Variants in ORC5 observed in about 807,000 individuals in gnomAD.
ORC5 encodes the protein protein phosphatase 1, regulatory subunit 117.
A neutral mutation model predicts 58.8 loss-of-function variants in ORC5; 39 were observed. The ratio of observed to expected loss-of-function variants is 0.66; its 90% CI spans 0.51 to 0.87. The LOEUF (loss-of-function observed/expected upper bound fraction) is 0.87. Ranked by LOEUF, ORC5 falls within the 40% of genes least tolerant of loss-of-function variation. The pLI is 0.00. For synonymous variants in ORC5, 218 were observed against 177.6 expected (o/e 1.23, Z -1.81); for missense variants, 493 against 506.3 (o/e 0.97, Z 0.25).
chr7:104,207,373 T>C (rs935699664), intron 1 of ORC5, among the ~76,000 whole-genome samples: 3 of 152,182 alleles, frequency 2.0e-5, no homozygotes, highest in Non-Finnish European at 4.4e-5. Flanking sequence ...AGCCAGTAAA[T>C]TTTTAAACCT....
intron 12 of ORC5, among the ~76,000 whole-genome samples, chr7:104,145,321 C>T (rs1798738090): frequency 6.6e-6 from 1 of 151,954 alleles, no homozygotes; most frequent in South Asian, 2.1e-4. Context: ...TGTTAGGTCC[C>T]CAAATGCAGG....
rs1232843739 is a variant in ORC5 at position 104,129,098 on chromosome 7, G to C, written c.1263-2205C>G. Among the ~76,000 whole-genome samples, 1 of 152,102 alleles carries C rather than the reference G, an allele frequency of 6.6e-6. No individual in the cohort carries two copies. The highest frequency in any genetic ancestry group is 1.5e-5 in the Non-Finnish European group (1 of 68,012). Reference sequence around the variant, plus strand: ...GAGAAGAAATAATTGCAAGTAAGTTGTGACGGCTGCAGAGAAATGTTTGTC... The same window carrying C: ...GAGAAGAAATAATTGCAAGTAAGTTCTGACGGCTGCAGAGAAATGTTTGTC... On this transcript the variant is annotated intron_variant, in intron 13 of 13. Coordinates refer to ENST00000297431, the MANE Select transcript of ORC5 (RefSeq NM_002553.4). The surrounding 1 kb of genome is among the most constrained non-coding windows in gnomAD (Gnocchi z 4.9).
At chr7:104,132,227 C>T (rs540209046) in intron 13 of ORC5, among the ~76,000 whole-genome samples, 32 of 152,258 alleles carry the variant, frequency 2.1e-4, no homozygotes, top group African/African-American at 7.2e-4. Flanking sequence ...ACCATTACTC[C>T]TGTCCCTTAC....
chr7:104,173,905 C>T (rs543087312), intron 8 of ORC5, among the ~76,000 whole-genome samples: 5 of 134,990 alleles, frequency 3.7e-5, no homozygotes, highest in Non-Finnish European at 6.2e-5. Context: ...AGTGCAGTGG[C>T]GGGATCTCGG....
chr7:104,141,414 G>C (rs954028247), intron 12 of ORC5, among the ~76,000 whole-genome samples: 4 of 148,372 alleles, frequency 2.7e-5, no homozygotes, highest in Admixed American at 2.1e-4. Context: ...TCAGAAGAGA[G>C]AGAACATAGT....
chr7:104,180,620 C>T (rs1027802008), intron 8 of ORC5, among the ~76,000 whole-genome samples: 28 of 152,054 alleles, frequency 1.8e-4, no homozygotes, highest in African/African-American at 6.3e-4. Flanking sequence ...TCTAGCTAGG[C>T]CCCTGGAAAG....
intron 8 of ORC5, among the ~76,000 whole-genome samples, chr7:104,172,003 C>T (rs1325991294): frequency 1.3e-5 from 2 of 152,206 alleles, no homozygotes; most frequent in South Asian, 2.1e-4. Flanking sequence ...TTCACCACTA[C>T]TAGTCAACGT....
intron 1 of ORC5, among the ~76,000 whole-genome samples, chr7:104,204,925 C>T (rs1800037469): frequency 6.6e-6 from 1 of 152,128 alleles, no homozygotes; most frequent in Admixed American, 6.5e-5. Flanking sequence ...ACTTGTACTT[C>T]ATTCCTTAAA....
At chr7:104,140,969 G>T (rs929349365) in intron 12 of ORC5, among the ~76,000 whole-genome samples, 1 of 152,118 alleles carries the variant, frequency 6.6e-6, no homozygotes, top group African/African-American at 2.4e-5. Flanking sequence ...TTAAAACTAA[G>T]ATGTTTAGTA....
intron 11 of ORC5, among the ~76,000 whole-genome samples, chr7:104,161,508 C>G (rs1407549274): frequency 6.6e-6 from 1 of 152,112 alleles, no homozygotes; most frequent in Non-Finnish European, 1.5e-5. Context: ...GTAGCTAGGA[C>G]TCTAGGCACA....
chr7:104,184,377 G>T (rs1276089109), intron 6 of ORC5: 4 of 554,434 alleles, frequency 7.2e-6, no homozygotes, highest in Admixed American at 3.4e-5. Flanking sequence ...GAGCCCAGGA[G>T]ATCAAGCCTG....
Position 104,155,935 on chromosome 7 carries a change from GA to G in ORC5, c.1149+5136del, listed in dbSNP as rs1018742114. On this transcript the variant is annotated intron_variant, in intron 12 of 13. Transcript: ENST00000297431. ...ATAACTTGGCTTTAATATATTTCTGGAAAAAAAGACAATACTATTTCTTTAA... is the reference window on the plus strand; with the variant it reads ...ATAACTTGGCTTTAATATATTTCTGGAAAAAAGACAATACTATTTCTTTAA... Among the ~76,000 whole-genome samples the G allele has an allele frequency of 6.6e-5, 10 of 151,272 alleles. 1 individual carries two copies. Among genetic ancestry groups the G allele is most frequent in the Admixed American group, 6.6e-4 (10 of 15,188 alleles).
chr7:104,191,359 A>G (rs1452230464), intron 5 of ORC5, among the ~76,000 whole-genome samples: 2 of 152,122 alleles, frequency 1.3e-5, no homozygotes, highest in African/African-American at 2.4e-5. Flanking sequence ...AAATGATCAC[A>G]GAGATTAACA....
intron 12 of ORC5, among the ~76,000 whole-genome samples, chr7:104,151,525 T>C (rs918629178): frequency 3.5e-4 from 53 of 152,206 alleles, no homozygotes; most frequent in Non-Finnish European, 7.8e-4. Context: ...TATCTTTGTT[T>C]TTCTAGCATC....
At chr7:104,155,733 T>G (rs1315656389) in intron 12 of ORC5, among the ~76,000 whole-genome samples, 1 of 151,580 alleles carries the variant, frequency 6.6e-6, no homozygotes, top group Non-Finnish European at 1.5e-5. Flanking sequence ...TTAAAATAAG[T>G]GGTATCTCTG....
chr7:104,192,529 G>A (rs1584518642), intron 5 of ORC5, among the ~76,000 whole-genome samples: 1 of 152,102 alleles, frequency 6.6e-6, no homozygotes, highest in African/African-American at 2.4e-5. Flanking sequence ...TCCAAAAAAA[G>A]CTTAAAAATA....
chr7:104,158,210 A>G (rs1345794732), intron 12 of ORC5, among the ~76,000 whole-genome samples: 1 of 152,180 alleles, frequency 6.6e-6, no homozygotes, highest in Non-Finnish European at 1.5e-5. Context: ...AGCACTATCT[A>G]GCATTCATTT....
intron 13 of ORC5, among the ~76,000 whole-genome samples, chr7:104,134,515 C>T (rs1798559850): frequency 6.8e-6 from 1 of 148,084 alleles, no homozygotes; most frequent in Admixed American, 6.7e-5. Flanking sequence ...GCTGAAGAGA[C>T]AAAAATCAGT....
At position 104,200,769 on chromosome 7, in the gene ORC5, T is replaced by C; in HGVS notation, c.355A>G (p.Thr119Ala). The stretch of plus-strand genomic sequence containing the variant: ...ATGAAATTACTTACAATATATACAG[T>C]CTGATCTTTAAGATTTTCAGCTGTG... ...VTTAENLKDQ[T>A]VYIVLDKAEY... Residue 119 changes from threonine to alanine, a missense_variant, in exon 3 of 14, where the codon ACT (threonine) becomes GCT (alanine). Physicochemically the swap from Thr to Ala is moderately conservative, Grantham distance 58. Transcript: ENST00000297431. The C allele has an allele frequency of 6.3e-7, 1 of 1,583,468 alleles. No homozygotes were observed. Among genetic ancestry groups the C allele is most frequent in the Non-Finnish European group, 8.7e-7 (1 of 1,153,122 alleles).
Sources: allele counts gnomAD v4.1 joint callset (sites outside exome capture counted in the v4.1 genomes callset), GRCh38; gene constraint gnomAD v4.1.1; non-coding constraint Gnocchi (gnomAD v3.1); transcripts MANE v1.5; gene names NCBI Gene and HGNC (gene_info 2026-07-23, HGNC 2026-07-21).